CSE1L: variants seen among roughly 807,000 people sequenced by gnomAD.
CSE1L encodes exportin-2.
A neutral mutation model predicts 120.4 loss-of-function variants in CSE1L; 24 were observed. The observed-to-expected ratio is 0.20, with a 90% CI of 0.14 to 0.28. CSE1L has a LOEUF of 0.28. CSE1L is among the 10% of genes least tolerant of loss of function. CSE1L has a pLI of 1.00. For missense variants in CSE1L, 830 were observed against 1,145.2 expected, an observed-to-expected ratio of 0.72 and a Z score of 3.97; for synonymous variants, 402 against 398.3, an observed-to-expected ratio of 1.01 and a Z score of -0.11.
In CSE1L at chr20:49,072,708, C is replaced by T. The variant is rs1470204877; in HGVS notation, c.1066+11C>T. ...ACATGGAATTTAGAGGTAATTATGG[C>T]AAAAGTATATTAGTATAAATCTACT... On this transcript the variant is annotated intron_variant, in intron 10 of 24. Transcript: ENST00000262982. The T allele has an allele frequency of 6.2e-7, 1 of 1,600,478 alleles. No individual in the cohort carries two copies.
intron 23 of CSE1L, among the ~76,000 whole-genome samples, chr20:49,094,497 T>A (rs2092125243): frequency 6.6e-6 from 1 of 152,190 alleles, no homozygotes. Context: ...TGGACCCCTT[T>A]AAGAGTCTGA....
At position 49,089,238 on chromosome 20, in the gene CSE1L, TA is replaced by T; in HGVS notation, c.1822-7del. 1 of 1,542,592 alleles carries T rather than the reference TA, an allele frequency of 6.5e-7. No individual in the cohort carries two copies. The highest frequency in any genetic ancestry group is 8.7e-7 in the Non-Finnish European group (1 of 1,151,820). On this transcript the variant is annotated splice_region_variant and splice_polypyrimidine_tract_variant and intron_variant, in intron 17 of 24. Transcript: ENST00000262982. ...TTAGCATAATTAGGTTTTTTTTTTTTAATTTCAGAACCCAAGCAAACCTCAC... is the reference window on the plus strand; with the variant it reads ...TTAGCATAATTAGGTTTTTTTTTTTTATTTCAGAACCCAAGCAAACCTCAC...
At chr20:49,048,284 TG>T (rs1305785987) in intron 1 of CSE1L, among the ~76,000 whole-genome samples, 4 of 152,100 alleles carry the variant, frequency 2.6e-5, no homozygotes, top group Non-Finnish European at 5.9e-5. Context: ...TTCTGCTGGT[TG>T]GGGTCTGGGA....
intron 1 of CSE1L, among the ~76,000 whole-genome samples, chr20:49,048,074 C>A (rs1341168651): frequency 6.6e-6 from 1 of 151,840 alleles, no homozygotes; most frequent in East Asian, 1.9e-4. Flanking sequence ...TCTTGGATTC[C>A]ACCAATTGCT....
intron 2 of CSE1L, among the ~76,000 whole-genome samples, chr20:49,062,426 A>G (rs1426612963): frequency 6.6e-6 from 1 of 152,226 alleles, no homozygotes; most frequent in Non-Finnish European, 1.5e-5. Flanking sequence ...GAAATACTGT[A>G]CTGCCATCAC....
intron 1 of CSE1L, among the ~76,000 whole-genome samples, chr20:49,054,708 C>T (rs1430995574): frequency 6.6e-6 from 1 of 152,184 alleles, no homozygotes; most frequent in Non-Finnish European, 1.5e-5. Context: ...AGGTCCTCTA[C>T]TCCACTTTCA....
chr20:49,091,868 GAGAC>G (rs2092104286), intron 21 of CSE1L, among the ~76,000 whole-genome samples, 174 bp from the exon 22 acceptor site: 2 of 152,314 alleles, frequency 1.3e-5, no homozygotes, highest in South Asian at 4.1e-4. Context: ...AAATCAAAGA[GAGAC>G]AGCATGTAAA....
In CSE1L at chr20:49,068,722, T is replaced by C. The variant is rs374191395; in HGVS notation, c.575T>C (p.Ile192Thr). The part of the protein sequence containing the change: ...LPLTNLFKAT[I>T]ELCSTHANDA... Reference sequence around the variant, plus strand: ...GCTAAATTCCTTTCCAAGGCCACTATTGAACTCTGCAGTACCCATGCAAAT... The same window carrying C: ...GCTAAATTCCTTTCCAAGGCCACTACTGAACTCTGCAGTACCCATGCAAAT... The change falls in exon 7 of 25, where the codon ATT becomes ACT. Residue 192 changes from isoleucine to threonine, a missense_variant. Physicochemically the swap from Ile to Thr is moderately conservative, Grantham distance 89 (BLOSUM62 -1). This residue lies in a region of CSE1L where 543 missense variants were observed against 640.2 expected (regional missense o/e 0.85). Coordinates refer to ENST00000262982, the MANE Select transcript of CSE1L (RefSeq NM_001316.4). 6 of 1,612,368 alleles carry C rather than the reference T, an allele frequency of 3.7e-6. No individual in the cohort carries two copies. The highest frequency in any genetic ancestry group is 2.2e-5 in the East Asian group (1 of 44,890).
At position 49,072,673 on chromosome 20, in the gene CSE1L, A is replaced by G. The variant is rs756861429; in HGVS notation, c.1042A>G (p.Ile348Val). The G allele has an allele frequency of 3.8e-5, 61 of 1,612,286 alleles. No homozygotes were observed. The highest frequency in any genetic ancestry group is 6.7e-5 in the African/African-American group (5 of 74,884). The change falls in exon 10 of 25, where the codon ATT becomes GTT. Residue 348 changes from isoleucine (I) to valine (V), a missense_variant. Transcript: ENST00000262982. ...NTLTSICEKV[I>V]VPNMEFRAAD... ...GCTGACAAGTATCTGTGAAAAGGTT[A>G]TTGTGCCTAACATGGAATTTAGAGG... is the stretch of plus-strand genomic sequence containing the variant.
In CSE1L at chr20:49,090,730, A is replaced by G. The variant is rs2092094787; in HGVS notation, c.2182-12A>G. ...TGTTAACCATTTTCTGTTGGATCTCATTTCTTAACAGCCTGGGTTACTAGG... is the reference window on the plus strand; with the variant it reads ...TGTTAACCATTTTCTGTTGGATCTCGTTTCTTAACAGCCTGGGTTACTAGG... On this transcript the variant is annotated splice_polypyrimidine_tract_variant and intron_variant, in intron 19 of 24. Coordinates refer to ENST00000262982, the MANE Select transcript of CSE1L (RefSeq NM_001316.4). 7 of 1,607,188 alleles carry G rather than the reference A, an allele frequency of 4.4e-6. No homozygotes were observed. The highest frequency in any genetic ancestry group is 5.1e-6 in the Non-Finnish European group (6 of 1,175,332).
chr20:49,054,809 A>T (rs1354449647), intron 1 of CSE1L, among the ~76,000 whole-genome samples: 1 of 152,148 alleles, frequency 6.6e-6, no homozygotes, highest in Non-Finnish European at 1.5e-5. Flanking sequence ...AACCTATATG[A>T]TCTGGTCTTG....
Position 49,072,468 on chromosome 20 carries a change from G to C in CSE1L, c.936+15G>C. 6.2e-7 allele frequency: 1 copy of C among 1,611,234 alleles called. No individual in the cohort carries two copies. Among genetic ancestry groups the C allele is most frequent in the Non-Finnish European group, 8.5e-7 (1 of 1,177,780 alleles). ...AATATGATTTGGTAAGATGATGGTG[G>C]AGACAAATAATTAAAAGACATTCTC... is the stretch of plus-strand genomic sequence containing the variant. On this transcript the variant is annotated intron_variant, in intron 9 of 24. Transcript: ENST00000262982.
At chr20:49,059,716 A>G (rs1036610216) in intron 2 of CSE1L, among the ~76,000 whole-genome samples, 6 of 151,718 alleles carry the variant, frequency 4.0e-5, no homozygotes, top group African/African-American at 1.2e-4. Context: ...CTTCTCTACT[A>G]AAAAATACAA....
At position 49,085,350 on chromosome 20, in the gene CSE1L, C is replaced by T; in HGVS notation, c.1687C>T (p.Leu563Phe). 6.2e-7 allele frequency: 1 copy of T among 1,613,884 alleles called. No individual in the cohort carries two copies. Among genetic ancestry groups the T allele is most frequent in the Non-Finnish European group, 8.5e-7 (1 of 1,179,920 alleles). Residue 563 changes from leucine (L) to phenylalanine (F), a missense_variant, in exon 16 of 25, where the codon CTT becomes TTT. This residue lies in a region of CSE1L where 168 missense variants were observed against 267.9 expected (regional missense o/e 0.63). Transcript: ENST00000262982. ...LLTNLFKALT[L>F]PGSSENEYIM... ...AACAAACCTTTTCAAAGCTCTCACA[C>T]TTCCTGGCTCTTCAGAAAATGAATA...
chr20:49,074,859 C>G lies in CSE1L; in HGVS notation c.1132+9C>G. On this transcript the variant is annotated intron_variant, in intron 11 of 24. Transcript: ENST00000262982. Reference sequence around the variant, plus strand: ...AGATTTGGAAGGATCTGGTGTGTATCTTGGTTTTTTAGTTACTAGTCTCTT... The same window carrying G: ...AGATTTGGAAGGATCTGGTGTGTATGTTGGTTTTTTAGTTACTAGTCTCTT... The G allele has an allele frequency of 6.2e-7, 1 of 1,607,166 alleles. No individual in the cohort carries two copies. The highest frequency in any genetic ancestry group is 8.5e-7 in the Non-Finnish European group (1 of 1,177,412).
intron 14 of CSE1L, among the ~76,000 whole-genome samples, chr20:49,080,851 A>G (rs946879201): frequency 1.3e-5 from 2 of 152,288 alleles, no homozygotes; most frequent in African/African-American, 4.8e-5. Context: ...TCATAGCTCA[A>G]TGCAGCCTTA....
At position 49,066,228 on chromosome 20, in the gene CSE1L, C is replaced by G; in HGVS notation, c.265C>G (p.Arg89Gly). The G allele has an allele frequency of 1.2e-6, 2 of 1,614,172 alleles. No homozygotes were observed. The highest frequency in any genetic ancestry group is 1.7e-6 in the Non-Finnish European group (2 of 1,180,040). The change falls in exon 4 of 25, where the codon CGA (arginine) becomes GGA (glycine). Residue 89 changes from arginine to glycine, a missense_variant. Physicochemically the swap from Arg to Gly is moderately radical, Grantham distance 125. Coordinates refer to ENST00000262982, the MANE Select transcript of CSE1L (RefSeq NM_001316.4). ...ACCAAACAAAATTTGTGAAGCCGATCGAGTGGCCATTAAAGCCAACATAGT... is the reference window on the plus strand; with the variant it reads ...ACCAAACAAAATTTGTGAAGCCGATGGAGTGGCCATTAAAGCCAACATAGT... ...DEPNKICEAD[R>G]VAIKANIVHL...
In CSE1L at chr20:49,089,720, A is replaced by G. The variant is rs757376807; in HGVS notation, c.2155A>G (p.Ile719Val). ...QAFLERGSNT[I>V]ASAAADKIPG... ...ATTCTTAGAACGCGGTTCAAACACA[A>G]TAGCAAGTGCTGCAGCTGACAAAAT... is the stretch of plus-strand genomic sequence containing the variant. Residue 719 changes from isoleucine (I) to valine (V), a missense_variant, in exon 19 of 25, where the codon ATA (isoleucine) becomes GTA (valine). By Grantham distance (29) the Ile-to-Val change is conservative. Transcript: ENST00000262982. 1.2e-6 allele frequency: 2 copies of G among 1,614,204 alleles called. No homozygotes were observed. Among genetic ancestry groups the G allele is most frequent in the Admixed American group, 1.7e-5 (1 of 60,020 alleles).
At chr20:49,077,699 T>C (rs1015104764) in intron 13 of CSE1L, among the ~76,000 whole-genome samples, 1 of 152,080 alleles carries the variant, frequency 6.6e-6, no homozygotes, top group African/African-American at 2.4e-5. Context: ...TACTAGAAAA[T>C]TGATAAATAT....
Sources: gnomAD v4.1 joint callset for allele counts (sites outside exome capture counted in the v4.1 genomes callset) on GRCh38, gnomAD v4.1.1 for gene constraint, gnomAD v4.1.1 regional missense constraint, MANE v1.5 for transcripts, NCBI Gene and HGNC (gene_info 2026-07-23, HGNC 2026-07-21) for gene names.